The following NPIPB2 variants were observed in gnomAD, a reference collection of about 807,000 sequenced individuals.
The protein encoded by NPIPB2 is nuclear pore complex interacting protein family member B2, also known as nuclear pore complex-interacting protein family member B2.
Under a neutral mutation model 30.8 loss-of-function variants are expected in NPIPB2, and 27 were observed. The observed-to-expected ratio is 0.88, with a 90% CI of 0.65 to 1.21. The LOEUF (loss-of-function observed/expected upper bound fraction) is 1.21. Among genes scored for constraint, NPIPB2 ranks in the 50% most tolerant of loss-of-function variants. The pLI, the probability that NPIPB2 is intolerant of heterozygous loss-of-function variation, is 0.00. For missense variants in NPIPB2, 440 were observed against 446.2 expected (o/e 0.99, Z 0.13); for synonymous variants, 147 against 162.0 (o/e 0.91, Z 0.70).
chr16:11,953,982 C>T (rs571310354), intron 1 of NPIPB2, among the ~76,000 whole-genome samples: 2 of 152,006 alleles, frequency 1.3e-5, no homozygotes, highest in Admixed American at 6.6e-5. Context: ...AGCCTCATAT[C>T]ATCTTTTTTT....
At chr16:11,930,396 A>G in intron 5 of NPIPB2, 54 bp downstream of exon 5, 10 of 1,476,596 alleles carry the variant, frequency 6.8e-6, no homozygotes, top group Non-Finnish European at 9.1e-6. Flanking sequence ...AAGGTTAAAA[A>G]CAACACTCCA....
At chr16:11,941,884 C>T (rs1370883964) in intron 1 of NPIPB2, 99 bp downstream of exon 1, 28 of 911,674 alleles carry the variant, frequency 3.1e-5, no homozygotes, top group South Asian at 8.4e-5. Context: ...TGCTTCTGGG[C>T]GCTCCTTCCT....
chr16:11,976,590 C>G (rs554902253), exon 1 of NPIPB2: 136 of 363,990 alleles, frequency 3.7e-4, no homozygotes, highest in African/African-American at 2.5e-3. Flanking sequence ...GCCCGCGTAG[C>G]CTCAGCACCG....
chr16:11,955,709 A>C (rs2055104508), intron 1 of NPIPB2, among the ~76,000 whole-genome samples: 1 of 143,786 alleles, frequency 7.0e-6, no homozygotes, highest in Non-Finnish European at 1.5e-5. Context: ...TGACAGAGCA[A>C]GACACTGTCT....
intron 1 of NPIPB2, among the ~76,000 whole-genome samples, chr16:11,951,619 T>TACCCATACACACAC (rs1555509396): frequency 1.4e-4 from 16 of 115,912 alleles, no homozygotes; most frequent in Middle Eastern, 4.7e-3. Context: ...ACACTGCACA[T>TACCCATACACACAC]ACACATACAC....
intron 1 of NPIPB2, among the ~76,000 whole-genome samples, chr16:11,957,367 G>A (rs1416059690): frequency 6.6e-6 from 1 of 151,952 alleles, no homozygotes; most frequent in Non-Finnish European, 1.5e-5. Flanking sequence ...GTTTCACCAC[G>A]TTAGCCAGGA....
At chr16:11,955,931 T>C (rs2055108163) in intron 1 of NPIPB2, among the ~76,000 whole-genome samples, 1 of 151,742 alleles carries the variant, frequency 6.6e-6, no homozygotes, top group Non-Finnish European at 1.5e-5. Flanking sequence ...CCCACTTAGA[T>C]GACTCAGCCA....
chr16:11,960,970 G>A (rs1013557855), intron 1 of NPIPB2, among the ~76,000 whole-genome samples: 23 of 150,740 alleles, frequency 1.5e-4, no homozygotes, highest in African/African-American at 3.7e-4. Context: ...AGGTTCAAAC[G>A]ATCCTCCTGC....
At chr16:11,930,495 G>A in exon 5 of NPIPB2, 1 of 1,585,822 alleles carries the variant, frequency 6.3e-7, no homozygotes, top group South Asian at 1.1e-5. Flanking sequence ...ATTTTCCTCT[G>A]CCTCTGACAC....
exon 5 of NPIPB2, chr16:11,930,479 T>C (rs1382339963): frequency 1.9e-6 from 3 of 1,580,014 alleles, no homozygotes; most frequent in East Asian, 2.3e-5. Context: ...TCATATCCAA[T>C]TTCCCATTTT....
At chr16:11,948,875 T>G (rs1433223525) in intron 1 of NPIPB2, among the ~76,000 whole-genome samples, 1 of 151,566 alleles carries the variant, frequency 6.6e-6, no homozygotes, top group Non-Finnish European at 1.5e-5. Flanking sequence ...TGGTGGCTCA[T>G]GTCGGTAATC....
intron 1 of NPIPB2, 92 bp from the exon 2 acceptor site, chr16:11,937,760 T>C: frequency 4.7e-6 from 7 of 1,483,514 alleles, no homozygotes; most frequent in Non-Finnish European, 6.4e-6. Flanking sequence ...GTCAACCTCC[T>C]CCAAAAGGTA....
intron 1 of NPIPB2, among the ~76,000 whole-genome samples, chr16:11,962,089 T>G (rs2055156490): frequency 6.7e-6 from 1 of 148,706 alleles, no homozygotes; most frequent in African/African-American, 2.5e-5. Flanking sequence ...TCCTAGCTAC[T>G]CAGGAGGCTG....
intron 1 of NPIPB2, among the ~76,000 whole-genome samples, chr16:11,937,976 A>C (rs1013987100): frequency 2.0e-5 from 3 of 152,208 alleles, no homozygotes; most frequent in Non-Finnish European, 4.4e-5. Flanking sequence ...GCCACACATA[A>C]CATACACTAA....
intron 1 of NPIPB2, among the ~76,000 whole-genome samples, chr16:11,955,706 G>A (rs1596502748): frequency 7.0e-6 from 1 of 143,736 alleles, no homozygotes; most frequent in Admixed American, 7.3e-5. Context: ...GGGTGACAGA[G>A]CAAGACACTG....
intron 1 of NPIPB2, chr16:11,966,180 G>A (rs1303825062): frequency 1.9e-6 from 3 of 1,602,888 alleles, no homozygotes; most frequent in Admixed American, 3.4e-5. Flanking sequence ...TCTGTCTGAT[G>A]TTCTTTTCAT....
At chr16:11,970,106 T>C (rs955326180) in intron 1 of NPIPB2, among the ~76,000 whole-genome samples, 4 of 152,032 alleles carry the variant, frequency 2.6e-5, no homozygotes, top group Non-Finnish European at 4.4e-5. Context: ...CCCAGCACTT[T>C]GGGAGGCCGA....
intron 1 of NPIPB2, among the ~76,000 whole-genome samples, chr16:11,974,685 T>A (rs2055257433): frequency 6.6e-6 from 1 of 152,306 alleles, no homozygotes; most frequent in Middle Eastern, 3.4e-3. Context: ...TGATATAAAA[T>A]ACATTTCTTC....
At chr16:11,975,685 G>T (rs140958596) in intron 1 of NPIPB2, among the ~76,000 whole-genome samples, 2 of 151,804 alleles carry the variant, frequency 1.3e-5, no homozygotes, top group African/African-American at 4.8e-5. Context: ...CTGCCTCCCG[G>T]GTTCAAGCAA....
Sources: allele counts gnomAD v4.1 joint callset (sites outside exome capture counted in the v4.1 genomes callset), GRCh38; gene constraint gnomAD v4.1.1; transcripts MANE v1.5; gene names NCBI Gene and HGNC (gene_info 2026-07-23, HGNC 2026-07-21).